The following SNX29 variants were observed in gnomAD, a reference collection of about 807,000 sequenced individuals.
The protein encoded by SNX29 is sorting nexin-29.
In SNX29, 78 loss-of-function variants were observed where a neutral mutation model predicts 102.1. That is an observed-to-expected ratio of 0.76 (90% CI 0.64 to 0.92). The LOEUF is 0.92. Among genes scored for constraint, SNX29 ranks in the 40% least tolerant of loss-of-function variants. The pLI, the probability that SNX29 is intolerant of heterozygous loss-of-function variation, is 0.00. For synonymous variants in SNX29, 580 were observed against 414.5 expected, an observed-to-expected ratio of 1.40 and a Z score of -4.85; for missense variants, 1,280 against 1,061.7, an observed-to-expected ratio of 1.21 and a Z score of -2.86.
chr16:12,182,462 C>A (rs1007473180), intron 13 of SNX29, among the ~76,000 whole-genome samples: 1 of 152,120 alleles, frequency 6.6e-6, no homozygotes, highest in Non-Finnish European at 1.5e-5. Flanking sequence ...TGGCTGCTAA[C>A]GCTTGCTCAT....
At chr16:12,160,528 C>T (rs566515655) in intron 13 of SNX29, among the ~76,000 whole-genome samples, 24 of 152,130 alleles carry the variant, frequency 1.6e-4, no homozygotes, top group Non-Finnish European at 2.4e-4. Flanking sequence ...GAGACAGAAA[C>T]GAGATTAGTG....
At chr16:12,459,211 G>C (rs889905281) in intron 18 of SNX29, among the ~76,000 whole-genome samples, 9 of 145,682 alleles carry the variant, frequency 6.2e-5, no homozygotes, top group Non-Finnish European at 1.3e-4. Context: ...CTGCGTCTCT[G>C]TACTGTGTTC....
At chr16:12,178,679 G>A (rs929056895) in intron 13 of SNX29, among the ~76,000 whole-genome samples, 1 of 152,154 alleles carries the variant, frequency 6.6e-6, no homozygotes, top group Non-Finnish European at 1.5e-5. Flanking sequence ...CTCTGTTATC[G>A]TGCATACGCA....
intron 20 of SNX29, among the ~76,000 whole-genome samples, chr16:12,562,066 CGT>C (rs72433786): frequency 0.11 from 16,210 of 152,164 alleles, 1,069 homozygotes; most frequent in Non-Finnish European, 0.14. Flanking sequence ...TTTTCCTTCC[CGT>C]GTTTTCTGCC....
chr16:12,558,235 C>CG (rs143604641), intron 20 of SNX29, among the ~76,000 whole-genome samples: 31,803 of 76,746 alleles, frequency 0.41, 3,479 homozygotes, highest in Middle Eastern at 0.51. Context: ...TCTTCAGCCC[C>CG]CCCAGTAGAT....
At chr16:11,980,772 T>C (rs538863762) in intron 1 of SNX29, among the ~76,000 whole-genome samples, 2 of 152,332 alleles carry the variant, frequency 1.3e-5, no homozygotes, top group African/African-American at 4.8e-5. Flanking sequence ...TCTTATCTTG[T>C]GCTTATTGAC....
At chr16:12,221,335 C>T (rs1314473549) in intron 14 of SNX29, among the ~76,000 whole-genome samples, 1 of 152,172 alleles carries the variant, frequency 6.6e-6, no homozygotes, top group Admixed American at 6.5e-5. Flanking sequence ...ACCAGATGGA[C>T]CAGGTGTGGT....
intron 20 of SNX29, among the ~76,000 whole-genome samples, chr16:12,554,968 G>A (rs1406149324): frequency 6.6e-6 from 1 of 151,974 alleles, no homozygotes; most frequent in Non-Finnish European, 1.5e-5. Context: ...GAGGTGGTGA[G>A]GGGGGTCAGT....
At chr16:12,563,912 C>T (rs67011719) in intron 20 of SNX29, among the ~76,000 whole-genome samples, 39,684 of 151,834 alleles carry the variant, frequency 0.26, 5,880 homozygotes, top group East Asian at 0.43. Context: ...AGCAGGCAGC[C>T]GAAGACCTAC....
chr16:12,151,666 C>G (rs556101938), intron 13 of SNX29, among the ~76,000 whole-genome samples: 10 of 152,284 alleles, frequency 6.6e-5, no homozygotes, highest in African/African-American at 2.4e-4. Flanking sequence ...GTCATTTCCC[C>G]TCCTCATTAT....
At chr16:12,213,818 C>T (rs376226108) in intron 14 of SNX29, among the ~76,000 whole-genome samples, 2 of 152,108 alleles carry the variant, frequency 1.3e-5, no homozygotes, top group South Asian at 2.1e-4. Flanking sequence ...ATGTGGCCAC[C>T]CCAAATTGCA....
rs527799210 is a variant in SNX29 at position 12,152,110 on chromosome 16, A to C, written c.1595+22352A>C. 2.0e-5 allele frequency among the ~76,000 whole-genome samples: 3 copies of C among 152,162 alleles called. No homozygotes were observed. The East Asian group carries it at 5.8e-4, about 29-fold the overall frequency. On this transcript the variant is annotated intron_variant, in intron 13 of 20. Coordinates refer to ENST00000566228, the MANE Select transcript of SNX29 (RefSeq NM_032167.5). ...GTGGTATGCGCCTGTAGTCACGGCT[A>C]CTTTGGAGGCTGAGGTGGGAAGATT...
intron 15 of SNX29, among the ~76,000 whole-genome samples, chr16:12,347,805 T>C (rs80009434): frequency 0.064 from 9,617 of 150,764 alleles, 1,009 homozygotes; most frequent in African/African-American, 0.22. Flanking sequence ...GAGCTGGGTG[T>C]GGTGGGTCAT....
At chr16:12,290,216 C>T (rs562084876) in intron 15 of SNX29, among the ~76,000 whole-genome samples, 1 of 152,148 alleles carries the variant, frequency 6.6e-6, no homozygotes, top group Non-Finnish European at 1.5e-5. Flanking sequence ...TATACTCTTG[C>T]CTTCCTCTTC....
intron 19 of SNX29, among the ~76,000 whole-genome samples, chr16:12,509,917 G>A (rs1169186655): frequency 6.6e-6 from 1 of 152,222 alleles, no homozygotes; most frequent in Admixed American, 6.5e-5. Flanking sequence ...TGCTCCAATA[G>A]CCTCAGCATG....
rs919712313 is a variant in SNX29, at chr16:12,096,745, A to G, written c.1402+17830A>G. ...GGGAACGAGTTCCCCGTGAAGTGGGAAATTCCTAATGGAAGTTTTAGGTTA... is the reference window on the plus strand; with the variant it reads ...GGGAACGAGTTCCCCGTGAAGTGGGGAATTCCTAATGGAAGTTTTAGGTTA... On this transcript the variant is annotated intron_variant, in intron 11 of 20. Transcript: ENST00000566228. This position sits in a 1 kb window ranked among gnomAD's most constrained non-coding sequence, Gnocchi z 4.2. Among the ~76,000 whole-genome samples the G allele has an allele frequency of 6.6e-6, 1 of 152,210 alleles. No homozygotes were observed. Among genetic ancestry groups the G allele is most frequent in the Non-Finnish European group, 1.5e-5 (1 of 68,034 alleles).
chr16:11,986,398 A>C (rs2150972577), intron 1 of SNX29, among the ~76,000 whole-genome samples: 1 of 151,844 alleles, frequency 6.6e-6, no homozygotes, highest in Middle Eastern at 3.4e-3. Flanking sequence ...AAAAGCGAAA[A>C]CCCAAAATGA....
intron 15 of SNX29, among the ~76,000 whole-genome samples, chr16:12,313,547 GC>G (rs561812317): frequency 2.4e-3 from 361 of 152,326 alleles, no homozygotes; most frequent in South Asian, 4.6e-3. Flanking sequence ...AACTGGGGCA[GC>G]CTCCGTCAGC....
chr16:12,202,120 A>C (rs2076928306), intron 14 of SNX29, among the ~76,000 whole-genome samples: 1 of 152,174 alleles, frequency 6.6e-6, no homozygotes, highest in South Asian at 2.1e-4. Flanking sequence ...GCAGTCTCTT[A>C]CTTCTGCATT....
Sources: gnomAD v4.1 joint callset for allele counts (sites outside exome capture counted in the v4.1 genomes callset) on GRCh38, gnomAD v4.1.1 for gene constraint, Gnocchi (gnomAD v3.1) non-coding constraint, MANE v1.5 for transcripts, NCBI Gene and HGNC (gene_info 2026-07-23, HGNC 2026-07-21) for gene names.